CMTR1: variants seen among roughly 807,000 people sequenced by gnomAD.
CMTR1 encodes cap-specific mRNA (nucleoside-2'-O-)-methyltransferase 1.
In CMTR1, 39 loss-of-function variants were observed where a neutral mutation model predicts 107.0. The observed-to-expected ratio is 0.36, with a 90% CI of 0.28 to 0.48. The LOEUF is 0.48. Among genes scored for constraint, CMTR1 ranks in the 20% least tolerant of loss-of-function variants. The pLI is 0.99. For synonymous variants in CMTR1, 366 were observed against 379.5 expected (o/e 0.96, Z 0.41); for missense variants, 672 against 1,064.9 (o/e 0.63, Z 5.14).
chr6:37,462,941 G>C lies in CMTR1; in HGVS notation c.1438G>C (p.Val480Leu). Residue 480 changes from valine to leucine, a missense_variant, in exon 13 of 24, where the codon GTG becomes CTG. By Grantham distance (32) the Val-to-Leu change is conservative (BLOSUM62 1). Coordinates refer to ENST00000373451, the MANE Select transcript of CMTR1 (RefSeq NM_015050.3). ...LRNTDSDVNL[V>L]VPLEVIKGDH... ...GAACACGGATTCCGACGTCAACTTGGTGGTCCCCCTGGAGGTGATCAAGGG... is the reference window on the plus strand; with the variant it reads ...GAACACGGATTCCGACGTCAACTTGCTGGTCCCCCTGGAGGTGATCAAGGG... 1.2e-6 allele frequency: 2 copies of C among 1,614,222 alleles called. No homozygotes were observed. Among genetic ancestry groups the C allele is most frequent in the African/African-American group, 1.3e-5 (1 of 75,056 alleles).
At chr6:37,459,242 T>C (rs1761355306) in intron 9 of CMTR1, among the ~76,000 whole-genome samples, 1 of 152,272 alleles carries the variant, frequency 6.6e-6, no homozygotes, top group African/African-American at 2.4e-5. Flanking sequence ...TTGATTGTAA[T>C]TTGACAGCAA....
chr6:37,446,223 C>T, intron 3 of CMTR1, 68 bp from the exon 4 acceptor site: 1 of 1,513,540 alleles, frequency 6.6e-7, no homozygotes. Context: ...CACTGTTTGG[C>T]ATGTGATGGG....
chr6:37,478,109 A>G (rs1761776108), intron 21 of CMTR1, among the ~76,000 whole-genome samples: 1 of 152,178 alleles, frequency 6.6e-6, no homozygotes, highest in South Asian at 2.1e-4. Flanking sequence ...CAGTGGCTGC[A>G]GTGTTGCCAT....
chr6:37,476,630 G>GGTT (rs3830395), intron 20 of CMTR1, among the ~76,000 whole-genome samples: 118,503 of 151,706 alleles, frequency 0.78, 47,417 homozygotes, highest in African/African-American at 0.93. Flanking sequence ...AGGAGGCCAG[G>GGTT]GTTGTAATGT....
intron 8 of CMTR1, among the ~76,000 whole-genome samples, chr6:37,454,642 A>C (rs571537818): frequency 3.3e-5 from 5 of 152,278 alleles, no homozygotes; most frequent in Admixed American, 2.6e-4. Context: ...GGGTTGTACC[A>C]TTCAGGTTGA....
Position 37,475,432 on chromosome 6 carries a change from G to A in CMTR1, c.2036+20G>A. The A allele has an allele frequency of 8.3e-7, 1 of 1,198,114 alleles. No individual in the cohort carries two copies. The highest frequency in any genetic ancestry group is 1.2e-6 in the Non-Finnish European group (1 of 825,324). 74.2% of individuals were successfully genotyped at this position (1,198,114 alleles called of 1,614,324 possible). On this transcript the variant is annotated intron_variant, in intron 19 of 23. Coordinates refer to ENST00000373451, the MANE Select transcript of CMTR1 (RefSeq NM_015050.3). Reference sequence around the variant, plus strand: ...CCAGCGGTCTGACCTGGGCCCCAGGGTAGGGAGGGTGGGGGTAGGCCAGGG... The same window carrying A: ...CCAGCGGTCTGACCTGGGCCCCAGGATAGGGAGGGTGGGGGTAGGCCAGGG...
upstream of CMTR1, among the ~76,000 whole-genome samples, chr6:37,430,555 A>G (rs901407167): frequency 6.6e-6 from 1 of 151,978 alleles, no homozygotes; most frequent in Non-Finnish European, 1.5e-5. Context: ...CCATTTTATC[A>G]TTATTTTTCT....
intron 17 of CMTR1, among the ~76,000 whole-genome samples, 192 bp downstream of exon 17, chr6:37,473,793 T>C (rs1761676328): frequency 6.6e-6 from 1 of 152,260 alleles, no homozygotes; most frequent in Non-Finnish European, 1.5e-5. Flanking sequence ...CATTCATTCA[T>C]TCTTTCATTT....
rs1282538263 is a variant in CMTR1 at position 37,481,309 on chromosome 6, G to A, written c.*1164G>A. The stretch of plus-strand genomic sequence containing the variant: ...TCCCTAGGGCCCCATCCCAGTGCCA[G>A]GCTGGTTTCCATGGAGATAGGGCAC... On this transcript the variant is annotated 3_prime_UTR_variant, in exon 24 of 24. Coordinates refer to ENST00000373451, the MANE Select transcript of CMTR1 (RefSeq NM_015050.3). The A allele has an allele frequency of 8.3e-7, 1 of 1,211,770 alleles. No homozygotes were observed. The highest frequency in any genetic ancestry group is 5.7e-5 in the East Asian group (1 of 17,448). 75.1% of individuals were successfully genotyped at this position (1,211,770 alleles called of 1,614,324 possible). A position where few individuals can be genotyped will look rare whatever the true frequency, so the allele number is the denominator to read the frequency against.
At chr6:37,452,980 C>A in intron 6 of CMTR1, 67 bp from the exon 7 acceptor site, 1 of 1,381,514 alleles carries the variant, frequency 7.2e-7, no homozygotes, top group Non-Finnish European at 1.0e-6. Context: ...GTGAGTTGGG[C>A]ACTGCAGGGT....
intron 13 of CMTR1, among the ~76,000 whole-genome samples, chr6:37,463,455 G>A (rs1163425167): frequency 1.3e-5 from 2 of 152,198 alleles, no homozygotes; most frequent in Non-Finnish European, 2.9e-5. Flanking sequence ...TTCTTCATGA[G>A]TTCCCCAGCT....
At chr6:37,467,867 G>A (rs1761538744) in intron 13 of CMTR1, among the ~76,000 whole-genome samples, 1 of 152,030 alleles carries the variant, frequency 6.6e-6, no homozygotes, top group African/African-American at 2.4e-5. Context: ...GACAACATGT[G>A]GTTGAGTCTT....
chr6:37,479,075 G>C (rs1196656718), intron 22 of CMTR1, 72 bp from the exon 23 acceptor site: 7 of 1,053,208 alleles, frequency 6.6e-6, no homozygotes, highest in Non-Finnish European at 1.0e-5. Flanking sequence ...CGGGAGTGGA[G>C]GAAGGTACAC....
the CMTR1 span, among the ~76,000 whole-genome samples, chr6:37,424,008 GAA>G: frequency 2.0e-5 from 3 of 152,170 alleles, no homozygotes; most frequent in African/African-American, 7.2e-5. Context: ...CTGGCAAAGA[GAA>G]GAGAAGACGA....
intron 11 of CMTR1, 150 bp from the exon 12 acceptor site, chr6:37,461,820 A>G (rs747936390): frequency 1.1e-6 from 1 of 950,694 alleles, no homozygotes; most frequent in Non-Finnish European, 1.6e-6. Context: ...AGTCCCCTCC[A>G]AAGATGGTTC....
intron 13 of CMTR1, among the ~76,000 whole-genome samples, chr6:37,468,149 T>A (rs1581748389): frequency 6.7e-6 from 1 of 149,906 alleles, no homozygotes; most frequent in African/African-American, 2.5e-5. Flanking sequence ...TCTTTGAGGT[T>A]TTTTAGATGC....
At chr6:37,466,108 GTTTTT>G (rs1761505314) in intron 13 of CMTR1, among the ~76,000 whole-genome samples, 1 of 127,712 alleles carries the variant, frequency 7.8e-6, no homozygotes, top group African/African-American at 2.9e-5. Context: ...GAGTTTTACA[GTTTTT>G]GTTTTTTTTT....
At chr6:37,461,286 G>GA in intron 10 of CMTR1, among the ~76,000 whole-genome samples, 1 of 152,158 alleles carries the variant, frequency 6.6e-6, no homozygotes. Flanking sequence ...CATCTCCTTG[G>GA]AAAAGCAGGC....
chr6:37,439,065 T>C (rs1407954812), intron 2 of CMTR1, among the ~76,000 whole-genome samples: 1 of 152,226 alleles, frequency 6.6e-6, no homozygotes, highest in Non-Finnish European at 1.5e-5. Flanking sequence ...ATGTAATGAC[T>C]CATTATTAGA....
Sources: allele counts gnomAD v4.1 joint callset (sites outside exome capture counted in the v4.1 genomes callset), GRCh38; gene constraint gnomAD v4.1.1; transcripts MANE v1.5; gene names NCBI Gene and HGNC (gene_info 2026-07-23, HGNC 2026-07-21).